The following CDH13 variants were observed in gnomAD, a reference collection of about 807,000 sequenced individuals.
CDH13 encodes cadherin-13.
A neutral mutation model predicts 63.8 loss-of-function variants in CDH13; 24 were observed. The observed-to-expected ratio is 0.38, with a 90% CI of 0.27 to 0.53. CDH13 has a LOEUF of 0.53. Ranked by LOEUF, CDH13 falls within the 20% of genes least tolerant of loss-of-function variation. The pLI is 0.85. For missense variants in CDH13, 1,049 were observed against 903.1 expected (o/e 1.16, Z -2.07); for synonymous variants, 503 against 355.3 (o/e 1.42, Z -4.67).
rs572401309 is a variant in CDH13, at chr16:83,759,641, G to C, written c.1681+11391G>C. ...GATATTTATAATACAAAGAAATGCT[G>C]CAGGCCTGGTACAGTGGCTCATGCC... On this transcript the variant is annotated intron_variant, in intron 11 of 13. Coordinates refer to ENST00000567109, the MANE Select transcript of CDH13 (RefSeq NM_001257.5). 3.9e-5 allele frequency among the ~76,000 whole-genome samples: 6 copies of C among 152,224 alleles called. No individual in the cohort carries two copies. The East Asian group carries it at 1.2e-3, about 29-fold the overall frequency.
At chr16:82,794,194 T>TA (rs539110658) in intron 1 of CDH13, among the ~76,000 whole-genome samples, 7 of 151,688 alleles carry the variant, frequency 4.6e-5, no homozygotes, top group Non-Finnish European at 8.8e-5. Flanking sequence ...TTTTTTTTTT[T>TA]AGTTCATCAG....
At chr16:83,703,153 G>C (rs1189711784) in intron 10 of CDH13, among the ~76,000 whole-genome samples, 1 of 152,218 alleles carries the variant, frequency 6.6e-6, no homozygotes, top group Non-Finnish European at 1.5e-5. Context: ...GTGCTTTAAA[G>C]AACAGGCAAG....
At chr16:82,642,817 A>G (rs1288980984) in intron 1 of CDH13, among the ~76,000 whole-genome samples, 1 of 152,076 alleles carries the variant, frequency 6.6e-6, no homozygotes, top group Non-Finnish European at 1.5e-5. Context: ...CCTCATAGTG[A>G]CTCTATAAAA....
At chr16:83,196,383 T>C (rs1359041320) in intron 4 of CDH13, among the ~76,000 whole-genome samples, 4 of 152,226 alleles carry the variant, frequency 2.6e-5, no homozygotes, top group Admixed American at 2.6e-4. Context: ...TAGGCAGAGT[T>C]CTTATACTTG....
chr16:83,662,541 G>A (rs1005066981), intron 8 of CDH13, among the ~76,000 whole-genome samples: 2 of 152,162 alleles, frequency 1.3e-5, no homozygotes, highest in African/African-American at 4.8e-5. Context: ...GAATCGGGGC[G>A]GGGTGGCTGC....
intron 10 of CDH13, among the ~76,000 whole-genome samples, chr16:83,681,433 C>T (rs771693134): frequency 9.9e-5 from 15 of 152,160 alleles, no homozygotes; most frequent in Non-Finnish European, 1.5e-4. Flanking sequence ...TATGTGTGTG[C>T]TGCACACATT....
At chr16:82,854,718 C>A (rs959815862) in intron 1 of CDH13, among the ~76,000 whole-genome samples, 4 of 152,200 alleles carry the variant, frequency 2.6e-5, no homozygotes, top group Non-Finnish European at 5.9e-5. Context: ...TTCCTTGATG[C>A]TCTAGATGAA....
chr16:83,426,496 C>T (rs2071899073), intron 6 of CDH13, among the ~76,000 whole-genome samples: 1 of 142,814 alleles, frequency 7.0e-6, no homozygotes, highest in Admixed American at 7.6e-5. Flanking sequence ...GGAAACAACT[C>T]CCATGGAAAC....
intron 2 of CDH13, among the ~76,000 whole-genome samples, chr16:83,012,216 A>G (rs912502118): frequency 1.3e-5 from 2 of 152,148 alleles, no homozygotes; most frequent in Non-Finnish European, 2.9e-5. Flanking sequence ...TGGATTTTTA[A>G]GTACTTAAAA....
intron 4 of CDH13, among the ~76,000 whole-genome samples, chr16:83,152,557 A>G (rs867601963): frequency 1.5e-4 from 23 of 152,268 alleles, no homozygotes; most frequent in Non-Finnish European, 1.5e-5. Flanking sequence ...TGACTTCTTC[A>G]TAATGGCCAT....
intron 5 of CDH13, among the ~76,000 whole-genome samples, chr16:83,247,227 C>G (rs1905070291): frequency 6.6e-6 from 1 of 152,128 alleles, no homozygotes. Context: ...TGTAAGCCCA[C>G]TAGAAGGAGG....
At chr16:83,525,139 A>C (rs2074931046) in intron 7 of CDH13, among the ~76,000 whole-genome samples, 1 of 151,918 alleles carries the variant, frequency 6.6e-6, no homozygotes, top group Non-Finnish European at 1.5e-5. Context: ...CCAGGGACAG[A>C]CTCCAGTTGG....
chr16:83,611,199 T>C (rs1908829598), intron 8 of CDH13, among the ~76,000 whole-genome samples: 2 of 152,276 alleles, frequency 1.3e-5, no homozygotes, highest in South Asian at 4.1e-4. Flanking sequence ...TCCTTTGAGT[T>C]ATATACATGT....
chr16:82,705,141 C>T, intron 1 of CDH13: 1 of 456,032 alleles, frequency 2.2e-6, no homozygotes, highest in South Asian at 1.5e-5. Context: ...AACAGTCTTG[C>T]TGACCACAAA....
chr16:82,824,176 A>G (rs966634171), intron 1 of CDH13: 9 of 152,204 alleles, frequency 5.9e-5, no homozygotes, highest in Non-Finnish European at 1.2e-4. Context: ...AAACAAAATA[A>G]GTGATTTCAA....
intron 2 of CDH13, among the ~76,000 whole-genome samples, chr16:83,016,558 A>T (rs530032825): frequency 6.6e-6 from 1 of 152,306 alleles, no homozygotes; most frequent in East Asian, 1.9e-4. Context: ...GGCCTTCTGC[A>T]GTCTGCTGCA....
chr16:83,514,398 C>A (rs1372152696), intron 7 of CDH13, among the ~76,000 whole-genome samples: 1 of 152,210 alleles, frequency 6.6e-6, no homozygotes, highest in Non-Finnish European at 1.5e-5. Flanking sequence ...AATCCCAGCA[C>A]TTTGGGATGC....
intron 11 of CDH13, among the ~76,000 whole-genome samples, chr16:83,772,111 G>C (rs1380982596): frequency 2.6e-5 from 4 of 152,188 alleles, no homozygotes; most frequent in Non-Finnish European, 4.4e-5. Flanking sequence ...CCTTAAATGA[G>C]ATGCCTATTA....
intron 13 of CDH13, among the ~76,000 whole-genome samples, chr16:83,790,788 G>C (rs1002990086): frequency 1.3e-5 from 2 of 152,180 alleles, no homozygotes; most frequent in African/African-American, 4.8e-5. Context: ...AGGCAAGCCG[G>C]CATTGCCATT....
Sources: gnomAD v4.1 joint callset for allele counts (sites outside exome capture counted in the v4.1 genomes callset) on GRCh38, gnomAD v4.1.1 for gene constraint, MANE v1.5 for transcripts, NCBI Gene and HGNC (gene_info 2026-07-23, HGNC 2026-07-21) for gene names.